Variants in CHN2 observed in about 807,000 individuals in gnomAD.
CHN2 encodes the protein beta-chimaerin.
CHN2 carries 35 observed loss-of-function variants against 56.3 expected under a neutral mutation model. The ratio of observed to expected loss-of-function variants is 0.62; its 90% CI spans 0.47 to 0.82. CHN2 has a LOEUF of 0.82. Ranked by LOEUF, CHN2 falls within the 40% of genes least tolerant of loss-of-function variation. The pLI, the probability that CHN2 is intolerant of heterozygous loss-of-function variation, is 0.00. For missense variants in CHN2, 491 were observed against 580.5 expected, an observed-to-expected ratio of 0.85 and a Z score of 1.58; for synonymous variants, 210 against 212.8, an observed-to-expected ratio of 0.99 and a Z score of 0.12.
chr7:29,432,649 A>G (rs1414998310), intron 6 of CHN2, among the ~76,000 whole-genome samples: 1 of 152,218 alleles, frequency 6.6e-6, no homozygotes, highest in African/African-American at 2.4e-5. Context: ...ATTTCGCTGT[A>G]CCTGGCAGAC....
chr7:29,375,613 A>G (rs368719080), intron 3 of CHN2, among the ~76,000 whole-genome samples: 4 of 152,228 alleles, frequency 2.6e-5, no homozygotes, highest in Admixed American at 2.0e-4. Flanking sequence ...ATCGTGTGTT[A>G]CAACATGTGT....
intron 8 of CHN2, among the ~76,000 whole-genome samples, chr7:29,498,221 G>A (rs1187897796): frequency 1.3e-5 from 2 of 152,100 alleles, no homozygotes; most frequent in African/African-American, 4.8e-5. Context: ...CTATATTTCA[G>A]ACACTATGCT....
chr7:29,389,851 C>G (rs1252544451), intron 3 of CHN2, among the ~76,000 whole-genome samples: 1 of 151,386 alleles, frequency 6.6e-6, no homozygotes, highest in East Asian at 1.9e-4. Context: ...CTCAGGAGTT[C>G]GAGACCAGCC....
At chr7:29,267,786 G>A (rs1452261397) in intron 1 of CHN2, among the ~76,000 whole-genome samples, 1 of 152,174 alleles carries the variant, frequency 6.6e-6, no homozygotes, top group East Asian at 1.9e-4. Flanking sequence ...CCTCCCGATG[G>A]ACAAGGAGAG....
intron 1 of CHN2, among the ~76,000 whole-genome samples, chr7:29,245,790 A>G (rs1449933382): frequency 6.6e-6 from 1 of 151,626 alleles, no homozygotes; most frequent in African/African-American, 2.4e-5. Flanking sequence ...CGACTTTCAC[A>G]TTTCCACGCC....
intron 3 of CHN2, among the ~76,000 whole-genome samples, chr7:29,390,916 G>A (rs546166420): frequency 1.3e-5 from 2 of 152,120 alleles, no homozygotes; most frequent in African/African-American, 2.4e-5. Context: ...AAATGTAGAC[G>A]TTGTATGATT....
At chr7:29,239,111 T>C (rs748532677) in intron 1 of CHN2, among the ~76,000 whole-genome samples, 6 of 152,116 alleles carry the variant, frequency 3.9e-5, no homozygotes, top group Non-Finnish European at 8.8e-5. Context: ...ATGGGCAGAA[T>C]TAGGTGCAGC....
At chr7:29,319,531 C>T (rs1035810015) in intron 1 of CHN2, among the ~76,000 whole-genome samples, 1 of 152,160 alleles carries the variant, frequency 6.6e-6, no homozygotes, top group South Asian at 2.1e-4. Flanking sequence ...AATTTAACAT[C>T]CTGTGGACAC....
chr7:29,328,860 T>C (rs1399159542), intron 1 of CHN2, among the ~76,000 whole-genome samples: 1 of 152,078 alleles, frequency 6.6e-6, no homozygotes, highest in Non-Finnish European at 1.5e-5. Flanking sequence ...AAAAAGAAAT[T>C]CCACCATCTG....
rs1442186248 is a variant in CHN2, at chr7:29,488,041, A to T, written c.654+7685A>T. Among the ~76,000 whole-genome samples, 3 of 152,202 alleles carry T rather than the reference A, an allele frequency of 2.0e-5. No individual in the cohort carries two copies. In the South Asian group the frequency reaches 6.2e-4, roughly 32 times the overall value. ...CTCCCAGAAAGCTTTGAGACAATCAATATTTTAGAAATGCAATCCTATCTT... is the reference window on the plus strand; with the variant it reads ...CTCCCAGAAAGCTTTGAGACAATCATTATTTTAGAAATGCAATCCTATCTT... On this transcript the variant is annotated intron_variant, in intron 7 of 12. Coordinates refer to ENST00000222792, the MANE Select transcript of CHN2 (RefSeq NM_004067.4).
chr7:29,212,965 A>G (rs1337832590), intron 1 of CHN2: 46 of 1,609,448 alleles, frequency 2.9e-5, no homozygotes, highest in Non-Finnish European at 4.2e-6. Context: ...CTCCTGGAAC[A>G]CTCAGACCTG....
chr7:29,372,125 T>A (rs1215893039), intron 3 of CHN2, among the ~76,000 whole-genome samples: 2 of 152,110 alleles, frequency 1.3e-5, no homozygotes, highest in Non-Finnish European at 2.9e-5. Flanking sequence ...GTTTGCCTCC[T>A]GTGTCTGTCA....
intron 1 of CHN2, among the ~76,000 whole-genome samples, chr7:29,312,292 T>G (rs1794656217): frequency 1.3e-5 from 2 of 152,248 alleles, no homozygotes; most frequent in South Asian, 4.1e-4. Flanking sequence ...CCCTCCTGCT[T>G]CTTCCTACCT....
At chr7:29,292,057 C>T (rs750640540) in intron 1 of CHN2, among the ~76,000 whole-genome samples, 3 of 152,090 alleles carry the variant, frequency 2.0e-5, no homozygotes, top group Non-Finnish European at 2.9e-5. Flanking sequence ...ACTACCGGGG[C>T]GGAGGATTTT....
At position 29,249,455 on chromosome 7, in the gene CHN2, T is replaced by G. The variant is rs953537584; in HGVS notation, c.49+54465T>G. On this transcript the variant is annotated intron_variant, in intron 1 of 12. Coordinates refer to ENST00000222792, the MANE Select transcript of CHN2 (RefSeq NM_004067.4). ...GGTGCCTGCCCACATGGAGGGCCGA[T>G]CATCCCCACCTAACCCACTCAGACT... Among the ~76,000 whole-genome samples the G allele has an allele frequency of 2.6e-5, 4 of 152,232 alleles. No homozygotes were observed. In the East Asian group the frequency reaches 7.7e-4, roughly 29 times the overall value.
At chr7:29,504,395 C>A (rs1197462494) in intron 9 of CHN2, among the ~76,000 whole-genome samples, 1 of 152,182 alleles carries the variant, frequency 6.6e-6, no homozygotes, top group African/African-American at 2.4e-5. Context: ...AGCCAGGTTG[C>A]TTCCTACGAT....
intron 1 of CHN2, among the ~76,000 whole-genome samples, chr7:29,263,970 T>C (rs1442405066): frequency 8.8e-6 from 1 of 114,132 alleles, no homozygotes; most frequent in Non-Finnish European, 1.7e-5. Context: ...GTCTGGGAGG[T>C]GGGGGGGCAG....
intron 1 of CHN2, among the ~76,000 whole-genome samples, chr7:29,278,379 C>T: frequency 6.6e-6 from 1 of 151,638 alleles, no homozygotes; most frequent in East Asian, 1.9e-4. Flanking sequence ...ACTCTGCCTT[C>T]GTAGAGCAAA....
intron 1 of CHN2, among the ~76,000 whole-genome samples, chr7:29,263,907 G>T (rs1243147948): frequency 6.6e-6 from 1 of 151,100 alleles, no homozygotes; most frequent in Non-Finnish European, 1.5e-5. Context: ...TCTCCGCCCG[G>T]CAGCCTCCCT....
Sources: allele counts gnomAD v4.1 joint callset (sites outside exome capture counted in the v4.1 genomes callset), GRCh38; gene constraint gnomAD v4.1.1; transcripts MANE v1.5; gene names NCBI Gene and HGNC (gene_info 2026-07-23, HGNC 2026-07-21).